The following KCNIP4 variants were observed in gnomAD, a reference collection of about 807,000 sequenced individuals.
KCNIP4 encodes the protein potassium voltage-gated channel interacting protein 4, also known as Kv channel-interacting protein 4.
In KCNIP4, 12 loss-of-function variants were observed where a neutral mutation model predicts 34.0. That is an observed-to-expected ratio of 0.35 (90% CI 0.23 to 0.57). The LOEUF is 0.57. KCNIP4 is among the 20% of genes least tolerant of loss of function. KCNIP4 has a pLI of 0.83. For synonymous variants in KCNIP4, 124 were observed against 102.2 expected, an observed-to-expected ratio of 1.21 and a Z score of -1.29; for missense variants, 238 against 311.7, an observed-to-expected ratio of 0.76 and a Z score of 1.78.
chr4:20,749,459 TAAAGCA>T, intron 5 of KCNIP4, among the ~76,000 whole-genome samples, 197 bp downstream of exon 5: 1 of 152,150 alleles, frequency 6.6e-6, no homozygotes, highest in Non-Finnish European at 1.5e-5. Flanking sequence ...TGAGCCGATA[TAAAGCA>T]TTAGAAAATA....
chr4:20,743,378 G>A (rs1305159534), intron 5 of KCNIP4, among the ~76,000 whole-genome samples: 1 of 152,050 alleles, frequency 6.6e-6, no homozygotes, highest in African/African-American at 2.4e-5. Context: ...TATACTACAA[G>A]GCTACAGTAA....
At chr4:21,605,997 C>A in intron 1 of KCNIP4, among the ~76,000 whole-genome samples, 1 of 152,056 alleles carries the variant, frequency 6.6e-6, no homozygotes. Context: ...CTGTTGTTTT[C>A]TCTTTGGACA....
At position 21,223,315 on chromosome 4, in the gene KCNIP4, G is replaced by A. The variant is rs184500258; in HGVS notation, c.62-340606C>T. ...AGGTGACTGCTAAGAATCTGGAAAA[G>A]ATAAGGACAAAGATTCTACCCTGGA... On this transcript the variant is annotated intron_variant, in intron 1 of 8. Transcript: ENST00000382152. Among the ~76,000 whole-genome samples the A allele has an allele frequency of 9.4e-3, 1,424 of 152,272 alleles. 24 individuals carry two copies. Among genetic ancestry groups the A allele is most frequent in the African/African-American group, 0.032 (1,345 of 41,550 alleles).
At chr4:21,588,886 A>T (rs1741880308) in intron 1 of KCNIP4, among the ~76,000 whole-genome samples, 1 of 151,572 alleles carries the variant, frequency 6.6e-6, no homozygotes, top group Non-Finnish European at 1.5e-5. Context: ...CACTTGGATT[A>T]TTCCTCAATA....
rs1009371677 is a variant in KCNIP4 at position 21,870,039 on chromosome 4, G to C, written c.61+78532C>G. 2.6e-5 allele frequency among the ~76,000 whole-genome samples: 4 copies of C among 152,162 alleles called. No individual in the cohort carries two copies. In the East Asian group the frequency reaches 7.7e-4, roughly 29 times the overall value. The stretch of plus-strand genomic sequence containing the variant: ...CCCAGGACTGTCTTATACCATCTGT[G>C]TATCTGCGGCAAGGTAAGTAAGATT... On this transcript the variant is annotated intron_variant, in intron 1 of 8. Transcript: ENST00000382152.
chr4:21,729,454 T>C (rs1356748106), intron 1 of KCNIP4, among the ~76,000 whole-genome samples: 2 of 152,178 alleles, frequency 1.3e-5, no homozygotes, highest in Non-Finnish European at 1.5e-5. Flanking sequence ...CGAGAAGCAA[T>C]TATTTCAGCT....
intron 1 of KCNIP4, among the ~76,000 whole-genome samples, chr4:21,773,399 T>C (rs1388317078): frequency 6.6e-6 from 1 of 152,178 alleles, no homozygotes; most frequent in Non-Finnish European, 1.5e-5. Context: ...TCTGTTGATT[T>C]TGGGTAGATA....
intron 1 of KCNIP4, among the ~76,000 whole-genome samples, chr4:20,959,127 T>C (rs1181719947): frequency 6.6e-6 from 1 of 152,180 alleles, no homozygotes; most frequent in Non-Finnish European, 1.5e-5. Context: ...GAAAATGAGG[T>C]ATTTTTCATG....
intron 1 of KCNIP4, among the ~76,000 whole-genome samples, chr4:21,930,510 A>G (rs1338810334): frequency 1.3e-5 from 2 of 152,092 alleles, no homozygotes; most frequent in Admixed American, 6.6e-5. Context: ...GCTCTGAAAT[A>G]GTCTACTACC....
intron 1 of KCNIP4, among the ~76,000 whole-genome samples, chr4:21,128,050 G>T (rs1174768322): frequency 6.6e-6 from 1 of 152,118 alleles, no homozygotes; most frequent in Admixed American, 6.5e-5. Context: ...AGGGTTCCTG[G>T]TCTGTTCCTG....
intron 1 of KCNIP4, among the ~76,000 whole-genome samples, chr4:20,921,336 G>T (rs1729373646): frequency 6.6e-6 from 1 of 152,156 alleles, no homozygotes; most frequent in Non-Finnish European, 1.5e-5. Flanking sequence ...TGAATCAAAA[G>T]AGATCCACCA....
rs995356882 is a variant in KCNIP4 at position 21,049,574 on chromosome 4, C to G, written c.62-166865G>C. ...TACAAGTGTTTCTATTCTGTGAAGT[C>G]TTTACCCTCTTTCTGGTCAAATTTT... On this transcript the variant is annotated intron_variant, in intron 1 of 8. Transcript: ENST00000382152. Among the ~76,000 whole-genome samples the G allele has an allele frequency of 3.9e-5, 6 of 152,152 alleles. No homozygotes were observed. The South Asian group carries it at 1.2e-3, about 32-fold the overall frequency.
intron 3 of KCNIP4, among the ~76,000 whole-genome samples, chr4:20,816,517 C>T (rs1716411156): frequency 6.6e-6 from 1 of 152,108 alleles, no homozygotes; most frequent in Non-Finnish European, 1.5e-5. Context: ...TCCTTATCCC[C>T]AGCAGGTATC....
In KCNIP4 at chr4:21,624,127, A is replaced by G. The variant is rs542841518; in HGVS notation, c.61+324444T>C. On this transcript the variant is annotated intron_variant, in intron 1 of 8. Transcript: ENST00000382152. ...AATAGCGCACAGGACTTCAGATCAG[A>G]CAGACCGAAGAAACTTCAAATTCTG... Among the ~76,000 whole-genome samples the G allele has an allele frequency of 8.2e-4, 125 of 152,242 alleles. 1 individual carries two copies. The highest frequency in any genetic ancestry group is 3.4e-3 in the Middle Eastern group (1 of 294).
chr4:21,018,946 G>T (rs896788179), intron 1 of KCNIP4, among the ~76,000 whole-genome samples: 1 of 152,086 alleles, frequency 6.6e-6, no homozygotes, highest in African/African-American at 2.4e-5. Context: ...TACTAGGGTT[G>T]CCATAACAAA....
At chr4:21,065,747 T>C (rs1744312165) in intron 1 of KCNIP4, among the ~76,000 whole-genome samples, 1 of 142,882 alleles carries the variant, frequency 7.0e-6, no homozygotes, top group Non-Finnish European at 1.5e-5. Flanking sequence ...TATATATATA[T>C]ATATATATAT....
intron 3 of KCNIP4, among the ~76,000 whole-genome samples, chr4:20,782,051 A>C (rs1384751552): frequency 6.6e-6 from 1 of 152,182 alleles, no homozygotes; most frequent in African/African-American, 2.4e-5. Flanking sequence ...TGCAAGTCCA[A>C]AATCCAGCAG....
intron 1 of KCNIP4, among the ~76,000 whole-genome samples, chr4:20,997,450 T>A (rs1737657830): frequency 6.6e-6 from 1 of 152,218 alleles, no homozygotes. Flanking sequence ...TGGTGAAACA[T>A]GTTGGACGTA....
intron 1 of KCNIP4, among the ~76,000 whole-genome samples, chr4:21,143,997 C>T (rs568697031): frequency 1.3e-5 from 2 of 152,108 alleles, no homozygotes; most frequent in Non-Finnish European, 2.9e-5. Context: ...CGTGAGCCAC[C>T]GCGCCAGGCC....
Sources: gnomAD v4.1 joint callset for allele counts (sites outside exome capture counted in the v4.1 genomes callset) on GRCh38, gnomAD v4.1.1 for gene constraint, MANE v1.5 for transcripts, NCBI Gene and HGNC (gene_info 2026-07-23, HGNC 2026-07-21) for gene names.